NPR2: variants seen among roughly 807,000 people sequenced by gnomAD.
NPR2 encodes the protein natriuretic peptide receptor 2.
NPR2 carries 49 observed loss-of-function variants against 120.7 expected under a neutral mutation model. That is an observed-to-expected ratio of 0.41 (90% confidence interval 0.32 to 0.52). NPR2 has a LOEUF of 0.52. Among genes scored for constraint, NPR2 ranks in the 20% least tolerant of loss-of-function variants. NPR2 has a pLI of 0.36. For synonymous variants in NPR2, 484 were observed against 519.8 expected, an observed-to-expected ratio of 0.93 and a Z score of 0.94; for missense variants, 931 against 1,362.9, an observed-to-expected ratio of 0.68 and a Z score of 4.99.
rs1182580845 is a variant in NPR2 at position 35,802,321 on chromosome 9, G to A, written c.1710+38G>A. 8 of 1,221,610 alleles carry A rather than the reference G, an allele frequency of 6.5e-6. No homozygotes were observed. Among genetic ancestry groups the A allele is most frequent in the African/African-American group, 1.5e-5 (1 of 67,406 alleles). 75.7% of individuals were successfully genotyped at this position (1,221,610 alleles called of 1,614,324 possible). A position where few individuals can be genotyped will look rare whatever the true frequency, so the allele number is the denominator to read the frequency against. On this transcript the variant is annotated intron_variant, in intron 10 of 21. Coordinates refer to ENST00000342694, the MANE Select transcript of NPR2 (RefSeq NM_003995.4). This position sits in a 1 kb window ranked among gnomAD's most constrained non-coding sequence, Gnocchi z 4.2. ...GGATGGACTCTAACATGTATGTAAT[G>A]GAGGAGTGGGGAAAACTATGAAATA... is the stretch of plus-strand genomic sequence containing the variant.
chr9:35,807,423 T>C (rs779902817), intron 18 of NPR2, 25 bp downstream of exon 18: 7 of 1,564,834 alleles, frequency 4.5e-6, no homozygotes, highest in East Asian at 2.2e-5. Context: ...CGCTGTTCAA[T>C]AGAAGACCCT....
At position 35,808,283 on chromosome 9, in the gene NPR2, T is replaced by C; in HGVS notation, c.2713-226T>C. The C allele has an allele frequency of 6.2e-7, 1 of 1,613,408 alleles. No individual in the cohort carries two copies. The highest frequency in any genetic ancestry group is 8.5e-7 in the Non-Finnish European group (1 of 1,179,314). ...ACAGGGTGTTCATTCATTCCGCAAA[T>C]GTTTACTGAGTATTCACCAGGTGCT... On this transcript the variant is annotated intron_variant, in intron 18 of 21. Transcript: ENST00000342694. This position sits in a 1 kb window ranked among gnomAD's most constrained non-coding sequence, Gnocchi z 4.0.
Position 35,806,318 on chromosome 9 carries a change from A to T in NPR2, c.2373-74A>T. On this transcript the variant is annotated intron_variant, in intron 15 of 21. Transcript: ENST00000342694. This position sits in a 1 kb window ranked among gnomAD's most constrained non-coding sequence, Gnocchi z 4.6. Reference sequence around the variant, plus strand: ...CATGAAGTGGGGCAGGTGGGACCAGAGGGTGGGTTGGATAGGAAGTCCTGG... The same window carrying T: ...CATGAAGTGGGGCAGGTGGGACCAGTGGGTGGGTTGGATAGGAAGTCCTGG... 6.2e-7 allele frequency: 1 copy of T among 1,609,558 alleles called. No homozygotes were observed. Among genetic ancestry groups the T allele is most frequent in the Non-Finnish European group, 8.5e-7 (1 of 1,175,984 alleles).
chr9:35,800,789 C>G lies in NPR2; in HGVS notation c.1299C>G (p.Pro433=), dbSNP rs748484994. Reference sequence around the variant, plus strand: ...TTCCCTGGGTGAAGGGGGCTCCTCCCTCGGACAATCCCCCCTGTGCCTTTG... The same window carrying G: ...TTCCCTGGGTGAAGGGGGCTCCTCCGTCGGACAATCCCCCCTGTGCCTTTG... ...RPIPWVKGAP[P]SDNPPCAFDL... is the part of the protein sequence containing the mutation. The change falls in exon 6 of 22, where the codon CCC becomes CCG. Residue 433 remains proline, a synonymous_variant. Coordinates refer to ENST00000342694, the MANE Select transcript of NPR2 (RefSeq NM_003995.4). The surrounding 1 kb of genome is among the most constrained non-coding windows in gnomAD (Gnocchi z 4.7). 1.9e-6 allele frequency: 3 copies of G among 1,614,148 alleles called. No individual in the cohort carries two copies. The highest frequency in any genetic ancestry group is 4.5e-5 in the East Asian group (2 of 44,882).
Position 35,800,324 on chromosome 9 carries a change from G to C in NPR2, c.1124-65G>C, listed in dbSNP as rs1828102796. The C allele has an allele frequency of 3.4e-6, 5 of 1,489,634 alleles. No individual in the cohort carries two copies. In the South Asian group the frequency reaches 5.6e-5, roughly 17 times the overall value. 92.3% of individuals were successfully genotyped at this position (1,489,634 alleles called of 1,614,324 possible). Reference sequence around the variant, plus strand: ...AGGGTAGACTCTGAGGGAGCCGTAGGCATGAGTGAGTGGGAGAGGAGCCCA... The same window carrying C: ...AGGGTAGACTCTGAGGGAGCCGTAGCCATGAGTGAGTGGGAGAGGAGCCCA... On this transcript the variant is annotated intron_variant, in intron 4 of 21. Transcript: ENST00000342694. This position sits in a 1 kb window ranked among gnomAD's most constrained non-coding sequence, Gnocchi z 4.7.
At position 35,800,922 on chromosome 9, in the gene NPR2, C is replaced by CTT. The variant is rs1828126603; in HGVS notation, c.1351+82_1351+83dup. The CTT allele has an allele frequency of 6.3e-7, 1 of 1,592,376 alleles. No homozygotes were observed. The highest frequency in any genetic ancestry group is 8.6e-7 in the Non-Finnish European group (1 of 1,160,354). On this transcript the variant is annotated intron_variant, in intron 6 of 21. Transcript: ENST00000342694. This position sits in a 1 kb window ranked among gnomAD's most constrained non-coding sequence, Gnocchi z 4.7. The stretch of plus-strand genomic sequence containing the variant: ...CCTCCACCCTCACTGACCCTCCACT[C>CTT]TTAACTGTGCTTCTGCCTTTACGTC...
In NPR2 at chr9:35,792,219, C is replaced by T. The variant is rs1219921443; in HGVS notation, c.-190C>T. 15 of 586,640 alleles carry T rather than the reference C, an allele frequency of 2.6e-5. 1 individual carries two copies. The highest frequency in any genetic ancestry group is 6.1e-5 in the Admixed American group (2 of 32,694). 36.3% of individuals were successfully genotyped at this position (586,640 alleles called of 1,614,324 possible). The stretch of plus-strand genomic sequence containing the variant: ...AGGCTGGTAGCCCACTCCTTGCCCG[C>T]CCCCCGCCTTCCTCCCATCTCCCCC... On this transcript the variant is annotated 5_prime_UTR_variant, in exon 1 of 22. Coordinates refer to ENST00000342694, the MANE Select transcript of NPR2 (RefSeq NM_003995.4).
chr9:35,805,239 A>G lies in NPR2; in HGVS notation c.1888-272A>G, dbSNP rs1828323009. Among the ~76,000 whole-genome samples the G allele has an allele frequency of 6.6e-6, 1 of 152,186 alleles. No homozygotes were observed. The highest frequency in any genetic ancestry group is 6.5e-5 in the Admixed American group (1 of 15,280). On this transcript the variant is annotated intron_variant, in intron 12 of 21. Transcript: ENST00000342694. The surrounding 1 kb of genome is among the most constrained non-coding windows in gnomAD (Gnocchi z 4.9). ...GAAGATTGACTGCCCTCTCCAGGGTAGTCATTTGTAGCTCCACTTATCCCT... is the reference window on the plus strand; with the variant it reads ...GAAGATTGACTGCCCTCTCCAGGGTGGTCATTTGTAGCTCCACTTATCCCT...
Position 35,808,134 on chromosome 9 carries a change from G to T in NPR2, c.2713-375G>T. On this transcript the variant is annotated intron_variant, in intron 18 of 21. Transcript: ENST00000342694. This position sits in a 1 kb window ranked among gnomAD's most constrained non-coding sequence, Gnocchi z 4.0. ...CTGCTTTCCTCCTCTCTGACAGTTT[G>T]GGCTGTCAGGTCCATTTCACTGGGC... 7.0e-7 allele frequency: 1 copy of T among 1,437,310 alleles called. No individual in the cohort carries two copies. Among genetic ancestry groups the T allele is most frequent in the South Asian group, 1.1e-5 (1 of 87,330 alleles). The allele number at this position is 1,437,310 out of a possible 1,614,324, so 89.0% of individuals were successfully genotyped here.
chr9:35,801,104 C>T lies in NPR2; in HGVS notation c.1386C>T (p.Gly462=), dbSNP rs148067831. 2.3e-5 allele frequency: 37 copies of T among 1,614,000 alleles called. No homozygotes were observed. Among genetic ancestry groups the T allele is most frequent in the Non-Finnish European group, 2.8e-5 (33 of 1,179,966 alleles). ...CAACCCTGGCAATTGTGGCTCTGGG[C>T]ACAGGAATCACCTTCATCATGTTTG... ...PLSTLAIVAL[G]TGITFIMFGV... The change falls in exon 7 of 22, where the codon GGC becomes GGT. Residue 462 remains glycine, a synonymous_variant. Coordinates refer to ENST00000342694, the MANE Select transcript of NPR2 (RefSeq NM_003995.4).
chr9:35,800,256 G>T lies in NPR2; in HGVS notation c.1123+99G>T, dbSNP rs28764010. 10 of 1,418,702 alleles carry T rather than the reference G, an allele frequency of 7.0e-6. No homozygotes were observed. Among genetic ancestry groups the T allele is most frequent in the Admixed American group, 1.7e-5 (1 of 59,736 alleles). The allele number at this position is 1,418,702 out of a possible 1,614,324, so 87.9% of individuals were successfully genotyped here. ...CAGGATCACCACAGCTTTAGTGGGG[G>T]TTAGTGAATATGGCAGAGTTGCCCA... On this transcript the variant is annotated intron_variant, in intron 4 of 21. Transcript: ENST00000342694. This position sits in a 1 kb window ranked among gnomAD's most constrained non-coding sequence, Gnocchi z 4.7.
intron 3 of NPR2, 23 bp downstream of exon 3, chr9:35,799,754 G>C (rs749551996): frequency 6.3e-7 from 1 of 1,583,460 alleles, no homozygotes; most frequent in South Asian, 1.1e-5. Flanking sequence ...CTCCCTTCCT[G>C]AGAGTCAGGT....
rs1001130806 is a variant in NPR2, at chr9:35,800,279, C to T, written c.1124-110C>T. 2 of 1,400,684 alleles carry T rather than the reference C, an allele frequency of 1.4e-6. No homozygotes were observed. Among genetic ancestry groups the T allele is most frequent in the African/African-American group, 1.4e-5 (1 of 70,588 alleles). The allele number at this position is 1,400,684 out of a possible 1,614,324, so 86.8% of individuals were successfully genotyped here. A position where few individuals can be genotyped will look rare whatever the true frequency, so the allele number is the denominator to read the frequency against. On this transcript the variant is annotated intron_variant, in intron 4 of 21. Coordinates refer to ENST00000342694, the MANE Select transcript of NPR2 (RefSeq NM_003995.4). This position sits in a 1 kb window ranked among gnomAD's most constrained non-coding sequence, Gnocchi z 4.7. ...GGGTTAGTGAATATGGCAGAGTTGCCCACACCTCAAGATCGGGGAAGGGTA... is the reference window on the plus strand; with the variant it reads ...GGGTTAGTGAATATGGCAGAGTTGCTCACACCTCAAGATCGGGGAAGGGTA...
chr9:35,801,762 T>G lies in NPR2; in HGVS notation c.1556T>G (p.Leu519Arg). ...GCAGGCAGTCGCCTCACACTGTCGC[T>G]GGTGAGCCCTTGTCTCAGCTGTTCC... The part of the protein sequence containing the change: ...KGAGSRLTLS[L>R]RGSSYGSLMT... The change falls in exon 8 of 22, where the codon CTG (leucine) becomes CGG (arginine). Residue 519 changes from leucine to arginine, a missense_variant and splice_region_variant. By Grantham distance (102) the Leu-to-Arg change is moderately radical (BLOSUM62 -2). This residue lies in a region of NPR2 where 681 missense variants were observed against 974.3 expected (regional missense o/e 0.70). Coordinates refer to ENST00000342694, the MANE Select transcript of NPR2 (RefSeq NM_003995.4). 1 of 1,614,236 alleles carries G rather than the reference T, an allele frequency of 6.2e-7. No homozygotes were observed. The highest frequency in any genetic ancestry group is 8.5e-7 in the Non-Finnish European group (1 of 1,180,046).
Position 35,809,270 on chromosome 9 carries a change from G to C in NPR2, c.3078+23G>C. 1 of 1,612,284 alleles carries C rather than the reference G, an allele frequency of 6.2e-7. No homozygotes were observed. Among genetic ancestry groups the C allele is most frequent in the Non-Finnish European group, 8.5e-7 (1 of 1,178,554 alleles). On this transcript the variant is annotated intron_variant, in intron 21 of 21. Coordinates refer to ENST00000342694, the MANE Select transcript of NPR2 (RefSeq NM_003995.4). This position sits in a 1 kb window ranked among gnomAD's most constrained non-coding sequence, Gnocchi z 4.1. ...AAGGTGATGGCAGGCCATGGGGAGG[G>C]GGGCATGGAAAGGGAGGGTGAAAGT...
chr9:35,799,521 C>T (rs188577490), intron 2 of NPR2, 97 bp from the exon 3 acceptor site: 40 of 865,288 alleles, frequency 4.6e-5, no homozygotes, highest in Middle Eastern at 2.2e-4. Context: ...TATTTTATAT[C>T]ATGTATATTT....
At position 35,808,484 on chromosome 9, in the gene NPR2, A is replaced by C. The variant is rs753754235; in HGVS notation, c.2713-25A>C. 6.2e-7 allele frequency: 1 copy of C among 1,611,370 alleles called. No homozygotes were observed. Among genetic ancestry groups the C allele is most frequent in the Non-Finnish European group, 8.5e-7 (1 of 1,177,744 alleles). Reference sequence around the variant, plus strand: ...ATCCCCATGGATATAAATAGAGGTGACCTTTTAATCCCCCTCTCAATCAGG... The same window carrying C: ...ATCCCCATGGATATAAATAGAGGTGCCCTTTTAATCCCCCTCTCAATCAGG... On this transcript the variant is annotated intron_variant, in intron 18 of 21. Coordinates refer to ENST00000342694, the MANE Select transcript of NPR2 (RefSeq NM_003995.4). This position sits in a 1 kb window ranked among gnomAD's most constrained non-coding sequence, Gnocchi z 4.0.
chr9:35,809,621 C>T lies in NPR2; in HGVS notation c.*176C>T, dbSNP rs752167065. 2.6e-6 allele frequency: 3 copies of T among 1,134,514 alleles called. No individual in the cohort carries two copies. Among genetic ancestry groups the T allele is most frequent in the Non-Finnish European group, 4.0e-6 (3 of 751,370 alleles). 70.3% of individuals were successfully genotyped at this position (1,134,514 alleles called of 1,614,324 possible). A position where few individuals can be genotyped will look rare whatever the true frequency, so the allele number is the denominator to read the frequency against. ...CTGCAGCTCAGCCCTGTACATATAC[C>T]TGTCCCTCTCTGGCTTGGTCCCCTT... On this transcript the variant is annotated 3_prime_UTR_variant, in exon 22 of 22. Coordinates refer to ENST00000342694, the MANE Select transcript of NPR2 (RefSeq NM_003995.4). This position sits in a 1 kb window ranked among gnomAD's most constrained non-coding sequence, Gnocchi z 4.1.
At position 35,809,288 on chromosome 9, in the gene NPR2, G is replaced by A. The variant is rs1178007487; in HGVS notation, c.3078+41G>A. 1.2e-6 allele frequency: 2 copies of A among 1,610,462 alleles called. No homozygotes were observed. The highest frequency in any genetic ancestry group is 2.7e-5 in the African/African-American group (2 of 74,942). On this transcript the variant is annotated intron_variant, in intron 21 of 21. Coordinates refer to ENST00000342694, the MANE Select transcript of NPR2 (RefSeq NM_003995.4). The surrounding 1 kb of genome is among the most constrained non-coding windows in gnomAD (Gnocchi z 4.1). ...GGGGAGGGGGGCATGGAAAGGGAGG[G>A]TGAAAGTGATTATGGGAATCATAGG...
Sources: gnomAD v4.1 joint callset for allele counts (sites outside exome capture counted in the v4.1 genomes callset) on GRCh38, gnomAD v4.1.1 for gene constraint, gnomAD v4.1.1 regional missense constraint, Gnocchi (gnomAD v3.1) non-coding constraint, MANE v1.5 for transcripts, NCBI Gene and HGNC (gene_info 2026-07-23, HGNC 2026-07-21) for gene names.